Variants in GALNT13 observed in about 807,000 individuals in gnomAD.
GALNT13 encodes the protein polypeptide N-acetylgalactosaminyltransferase 13, also known as UDP-GalNAc:polypeptide N-acetylgalactosaminyltransferase 13.
In GALNT13, 28 loss-of-function variants were observed where a neutral mutation model predicts 64.2. The observed-to-expected ratio is 0.44, with a 90% CI of 0.32 to 0.60. The LOEUF (loss-of-function observed/expected upper bound fraction) is 0.60, where lower values mean the gene tolerates loss of function less well. Ranked by LOEUF, GALNT13 falls within the 20% of genes least tolerant of loss-of-function variation. The pLI is 0.05. For synonymous variants in GALNT13, 214 were observed against 224.6 expected, an observed-to-expected ratio of 0.95 and a Z score of 0.42; for missense variants, 577 against 669.8, an observed-to-expected ratio of 0.86 and a Z score of 1.53.
the GALNT13 span, among the ~76,000 whole-genome samples, chr2:153,599,045 A>G: frequency 6.6e-6 from 1 of 152,000 alleles, no homozygotes; most frequent in Non-Finnish European, 1.5e-5. Context: ...TCAATCTTCC[A>G]TGGTATTCGT....
chr2:153,659,472 C>T, the GALNT13 span, among the ~76,000 whole-genome samples: 1 of 152,094 alleles, frequency 6.6e-6, no homozygotes, highest in African/African-American at 2.4e-5. Context: ...CTAAATTCTT[C>T]CTCTTCCTTC....
chr2:154,083,014 A>C (rs1435088135), intron 3 of GALNT13, among the ~76,000 whole-genome samples: 1 of 151,966 alleles, frequency 6.6e-6, no homozygotes, highest in Non-Finnish European at 1.5e-5. Flanking sequence ...GGTATTACCT[A>C]GGTTTTCTTC....
the GALNT13 span, among the ~76,000 whole-genome samples, chr2:153,718,634 A>G: frequency 2.0e-5 from 3 of 152,238 alleles, no homozygotes; most frequent in South Asian, 4.1e-4. Context: ...ACGCAGTGAC[A>G]TGAGGAGGCA....
intron 3 of GALNT13, among the ~76,000 whole-genome samples, chr2:154,093,789 A>G (rs1701940918): frequency 6.6e-6 from 1 of 151,444 alleles, no homozygotes; most frequent in Admixed American, 6.6e-5. Context: ...TAATGTTCAT[A>G]TAATCCAGTG....
chr2:154,163,298 A>T (rs1289112222), intron 4 of GALNT13, among the ~76,000 whole-genome samples: 1 of 151,836 alleles, frequency 6.6e-6, no homozygotes, highest in Non-Finnish European at 1.5e-5. Flanking sequence ...AAATCAATGA[A>T]TCCAGGAGCT....
the GALNT13 span, among the ~76,000 whole-genome samples, chr2:153,184,487 G>C: frequency 6.6e-6 from 1 of 152,246 alleles, no homozygotes; most frequent in Non-Finnish European, 1.5e-5. Flanking sequence ...GATTGTCCTG[G>C]CCAGAACATC....
chr2:154,253,262 G>A (rs1275908897), intron 7 of GALNT13, among the ~76,000 whole-genome samples: 1 of 152,044 alleles, frequency 6.6e-6, no homozygotes, highest in Non-Finnish European at 1.5e-5. Context: ...GCCTCTTGGG[G>A]TCTCATTACC....
chr2:153,259,927 G>A, the GALNT13 span, among the ~76,000 whole-genome samples: 1 of 151,794 alleles, frequency 6.6e-6, no homozygotes, highest in Admixed American at 6.6e-5. Flanking sequence ...GAATTTCTCA[G>A]ATGGCATGCT....
intron 3 of GALNT13, among the ~76,000 whole-genome samples, chr2:153,966,626 C>G (rs993232276): frequency 3.9e-5 from 6 of 152,020 alleles, no homozygotes; most frequent in Admixed American, 2.0e-4. Flanking sequence ...CCTCGGCCTT[C>G]CAAAGCGCTG....
intron 9 of GALNT13, among the ~76,000 whole-genome samples, chr2:154,318,629 G>A (rs963022934): frequency 6.6e-6 from 1 of 151,798 alleles, no homozygotes; most frequent in Non-Finnish European, 1.5e-5. Flanking sequence ...GGAAGCTGAG[G>A]CAGGAGAATT....
At chr2:153,375,010 C>G in the GALNT13 span, among the ~76,000 whole-genome samples, 1 of 152,254 alleles carries the variant, frequency 6.6e-6, no homozygotes, top group Admixed American at 6.5e-5. Context: ...ATTTTTGTAC[C>G]TGGGACAGTG....
At chr2:154,256,570 A>T (rs990171038) in intron 7 of GALNT13, among the ~76,000 whole-genome samples, 9 of 152,160 alleles carry the variant, frequency 5.9e-5, no homozygotes, top group Non-Finnish European at 7.3e-5. Context: ...AAGTGAGGGT[A>T]TATAGAGAGA....
chr2:154,160,971 C>T (rs1002378593), intron 4 of GALNT13, among the ~76,000 whole-genome samples: 21 of 152,234 alleles, frequency 1.4e-4, no homozygotes, highest in African/African-American at 3.1e-4. Context: ...CCTCACTTTT[C>T]GTACTTGCTA....
chr2:154,120,780 G>C (rs1681896052), intron 3 of GALNT13, among the ~76,000 whole-genome samples: 2 of 152,170 alleles, frequency 1.3e-5, no homozygotes, highest in Admixed American at 1.3e-4. Flanking sequence ...AAGGCAACTA[G>C]GTCAGTTTTT....
the GALNT13 span, among the ~76,000 whole-genome samples, chr2:153,464,802 A>G: frequency 3.3e-4 from 50 of 152,252 alleles, no homozygotes; most frequent in African/African-American, 9.9e-4. Context: ...TATGAAATAT[A>G]AAATATATCA....
At chr2:153,814,405 A>G in the GALNT13 span, among the ~76,000 whole-genome samples, 3 of 152,188 alleles carry the variant, frequency 2.0e-5, no homozygotes, top group Non-Finnish European at 4.4e-5. Flanking sequence ...GCGCCACTGC[A>G]CTCCAGCCTG....
the GALNT13 span, among the ~76,000 whole-genome samples, chr2:153,831,319 C>T: frequency 6.6e-6 from 1 of 152,144 alleles, no homozygotes; most frequent in Admixed American, 6.5e-5. Flanking sequence ...CTGAAAACTA[C>T]ATTTCCTTTA....
At chr2:153,201,553 T>C in the GALNT13 span, 9 of 152,332 alleles carry the variant, frequency 5.9e-5, no homozygotes, top group Middle Eastern at 3.4e-3. Flanking sequence ...GAGCACATTT[T>C]CCCCAAACCT....
the GALNT13 span, among the ~76,000 whole-genome samples, chr2:153,178,520 C>T: frequency 2.0e-5 from 3 of 152,104 alleles, no homozygotes; most frequent in African/African-American, 7.2e-5. Flanking sequence ...TGAGAACTAT[C>T]TGTTCAGGTC....
Sources: gnomAD v4.1 joint callset for allele counts (sites outside exome capture counted in the v4.1 genomes callset) on GRCh38, gnomAD v4.1.1 for gene constraint, MANE v1.5 for transcripts, NCBI Gene and HGNC (gene_info 2026-07-23, HGNC 2026-07-21) for gene names.